The following LMF1 variants were observed in gnomAD, a reference collection of about 807,000 sequenced individuals.
LMF1 encodes the protein lipase maturation factor 1, also known as transmembrane protein 112.
A neutral mutation model predicts 60.6 loss-of-function variants in LMF1; 68 were observed. The observed-to-expected ratio is 1.12, with a 90% CI of 0.92 to 1.37. The LOEUF is 1.37. LMF1 is among the 40% of genes most tolerant of loss of function. The probability of loss-of-function intolerance (pLI) is 0.00; values close to 1 mark genes in which losing one functional copy is unlikely to be tolerated. For synonymous variants in LMF1, 418 were observed against 324.7 expected, an observed-to-expected ratio of 1.29 and a Z score of -3.09; for missense variants, 948 against 767.2, an observed-to-expected ratio of 1.24 and a Z score of -2.78.
At chr16:885,844 A>C (rs1390848948) in intron 5 of LMF1, among the ~76,000 whole-genome samples, 1 of 152,226 alleles carries the variant, frequency 6.6e-6, no homozygotes, top group East Asian at 1.9e-4. Flanking sequence ...CGTACAGAAG[A>C]GTTGAAAAAC....
chr16:963,611 G>C (rs1341594018), intron 1 of LMF1, among the ~76,000 whole-genome samples: 3 of 152,062 alleles, frequency 2.0e-5, no homozygotes, highest in Admixed American at 2.0e-4. Context: ...CACACTCCAG[G>C]GCCCAGCCTT....
chr16:976,638 G>A (rs2073152987), intron 1 of LMF1: 1 of 454,086 alleles, frequency 2.2e-6, no homozygotes, highest in Non-Finnish European at 4.4e-6. Context: ...GCGTGCTGTT[G>A]GCGCCCCCCA....
intron 4 of LMF1, chr16:899,822 C>G (rs770112446): frequency 6.6e-6 from 1 of 152,300 alleles, no homozygotes; most frequent in African/African-American, 2.4e-5. Context: ...AGGCGCAAAC[C>G]TGTTGAGCCC....
chr16:930,250 C>T (rs574002213), intron 3 of LMF1, among the ~76,000 whole-genome samples: 6 of 133,772 alleles, frequency 4.5e-5, no homozygotes, highest in South Asian at 2.8e-4. Flanking sequence ...CAGCAGCAGT[C>T]GCGTCCGTCT....
chr16:962,483 C>G lies in LMF1; in HGVS notation c.194-7817G>C, dbSNP rs2072830443. 6.6e-6 allele frequency among the ~76,000 whole-genome samples: 1 copy of G among 152,170 alleles called. No individual in the cohort carries two copies. Among genetic ancestry groups the G allele is most frequent in the African/African-American group, 2.4e-5 (1 of 41,424 alleles). On this transcript the variant is annotated intron_variant, in intron 1 of 10. Coordinates refer to ENST00000262301, the MANE Select transcript of LMF1 (RefSeq NM_022773.4). The surrounding 1 kb of genome is among the most constrained non-coding windows in gnomAD (Gnocchi z 4.5). ...CCTGTCAGAGGGCACACCTGGCAGG[C>G]AGACCTTGGCCGGGTGATCAGAAAG...
At chr16:909,812 G>A (rs1019409675) in intron 4 of LMF1, among the ~76,000 whole-genome samples, 6 of 152,208 alleles carry the variant, frequency 3.9e-5, no homozygotes, top group Non-Finnish European at 8.8e-5. Context: ...CGGCAGCCAC[G>A]CCTCGAGGCC....
intron 3 of LMF1, among the ~76,000 whole-genome samples, chr16:929,810 G>A (rs1395462346): frequency 3.9e-5 from 6 of 152,284 alleles, no homozygotes; most frequent in Non-Finnish European, 7.3e-5. Flanking sequence ...CGGCCCTGAC[G>A]AACGCAGCTT....
At chr16:854,882 C>T in intron 10 of LMF1, 176 bp from the exon 11 acceptor site, 1 of 658,526 alleles carries the variant, frequency 1.5e-6, no homozygotes, top group Non-Finnish European at 2.7e-6. Context: ...GGCAGGGCAA[C>T]TGTTCCAGTC....
intron 2 of LMF1, among the ~76,000 whole-genome samples, chr16:941,130 A>G (rs1384516326): frequency 2.0e-5 from 3 of 152,140 alleles, no homozygotes; most frequent in South Asian, 2.1e-4. Context: ...TATGTAGTCT[A>G]TCCTTCTTTA....
intron 3 of LMF1, among the ~76,000 whole-genome samples, chr16:920,265 C>G (rs536772633): frequency 2.2e-3 from 330 of 152,372 alleles, no homozygotes; most frequent in Non-Finnish European, 2.9e-3. Flanking sequence ...CCCCACAGCA[C>G]GCACTGCATG....
At chr16:952,303 T>TG (rs2072493062) in intron 2 of LMF1, among the ~76,000 whole-genome samples, 1 of 119,744 alleles carries the variant, frequency 8.4e-6, no homozygotes, top group Admixed American at 8.3e-5. Flanking sequence ...AGCCACAAAG[T>TG]GGGGACCCCC....
At chr16:930,993 C>G (rs533634824) in intron 3 of LMF1, among the ~76,000 whole-genome samples, 1 of 151,978 alleles carries the variant, frequency 6.6e-6, no homozygotes, top group Admixed American at 6.6e-5. Context: ...TGGTGGCGGG[C>G]GCCTGTAATC....
intron 5 of LMF1, among the ~76,000 whole-genome samples, chr16:886,541 C>T (rs1254212907): frequency 3.4e-5 from 5 of 148,452 alleles, no homozygotes; most frequent in Non-Finnish European, 6.0e-5. Flanking sequence ...CCGAGACCCC[C>T]GACATTCCCC....
At chr16:875,847 TCGGGGTGACTCC>T (rs1353555869) in intron 6 of LMF1, among the ~76,000 whole-genome samples, 2 of 151,842 alleles carry the variant, frequency 1.3e-5, no homozygotes, top group South Asian at 4.2e-4. Flanking sequence ...GTGTGTGGGG[TCGGGGTGACTCC>T]CGGGAGTCTC....
chr16:975,155 C>G (rs949310479), upstream of LMF1, among the ~76,000 whole-genome samples: 1 of 152,156 alleles, frequency 6.6e-6, no homozygotes, highest in Admixed American at 6.5e-5. Flanking sequence ...TCCCTGCACC[C>G]TCGGCTACAG....
chr16:954,589 G>T lies in LMF1; in HGVS notation c.271C>A (p.Leu91Met). The T allele has an allele frequency of 3.1e-6, 5 of 1,612,938 alleles. No individual in the cohort carries two copies. The highest frequency in any genetic ancestry group is 4.2e-6 in the Non-Finnish European group (5 of 1,179,570). Residue 91 changes from leucine (L) to methionine (M), a missense_variant, in exon 2 of 11, where the codon CTG (leucine) becomes ATG (methionine). By Grantham distance (15) the Leu-to-Met change is conservative. Coordinates refer to ENST00000262301, the MANE Select transcript of LMF1 (RefSeq NM_022773.4). ...DRGLLPCRVF[L>M]KNFQQYFQDR... ...TGGAAGTACTGCTGGAAGTTCTTCA[G>T]GAACACTCTGCAGGGAAGCAGCCCC...
At chr16:861,966 TTCCAAGTTTAAATCATGAATAGA>T (rs2069479308) in intron 10 of LMF1, among the ~76,000 whole-genome samples, 1 of 152,196 alleles carries the variant, frequency 6.6e-6, no homozygotes, top group Non-Finnish European at 1.5e-5. Flanking sequence ...TTCTCTGTTT[TTCCAAGTTTAAATCATGAATAGA>T]TGTTAAACTT....
At chr16:906,672 A>C (rs1238752420) in intron 4 of LMF1, among the ~76,000 whole-genome samples, 1 of 152,202 alleles carries the variant, frequency 6.6e-6, no homozygotes, top group Non-Finnish European at 1.5e-5. Context: ...GGAACCCTCC[A>C]CACACCTGTG....
intron 3 of LMF1, among the ~76,000 whole-genome samples, chr16:929,649 C>A (rs915966510): frequency 6.6e-6 from 1 of 152,238 alleles, no homozygotes; most frequent in Non-Finnish European, 1.5e-5. Context: ...TTCGGGGCTG[C>A]GGAATTCATT....
Sources: allele counts gnomAD v4.1 joint callset (sites outside exome capture counted in the v4.1 genomes callset), GRCh38; gene constraint gnomAD v4.1.1; non-coding constraint Gnocchi (gnomAD v3.1); transcripts MANE v1.5; gene names NCBI Gene and HGNC (gene_info 2026-07-23, HGNC 2026-07-21).